STXBP4: variants seen among roughly 807,000 people sequenced by gnomAD.
The protein encoded by STXBP4 is syntaxin-binding protein 4.
In STXBP4, 55 loss-of-function variants were observed where a neutral mutation model predicts 76.1. The observed-to-expected ratio is 0.72, with a 90% confidence interval of 0.58 to 0.91. The LOEUF (loss-of-function observed/expected upper bound fraction) is 0.91. STXBP4 is among the 40% of genes least tolerant of loss of function. The probability of loss-of-function intolerance (pLI) is 0.00; values close to 1 mark genes in which losing one functional copy is unlikely to be tolerated. For missense variants in STXBP4, 618 were observed against 636.9 expected, an observed-to-expected ratio of 0.97 and a Z score of 0.32; for synonymous variants, 201 against 220.2, an observed-to-expected ratio of 0.91 and a Z score of 0.77.
At chr17:55,001,416 T>C (rs185882183) in intron 7 of STXBP4, among the ~76,000 whole-genome samples, 1 of 152,238 alleles carries the variant, frequency 6.6e-6, no homozygotes, top group Non-Finnish European at 1.5e-5. Flanking sequence ...AAGCGTTAAT[T>C]ATCTAAGCCA....
At chr17:55,179,490 G>A in the STXBP4 span, among the ~76,000 whole-genome samples, 1 of 152,078 alleles carries the variant, frequency 6.6e-6, no homozygotes, top group Non-Finnish European at 1.5e-5. Context: ...ACAAAAATGA[G>A]TTCAAATCTG....
chr17:54,992,733 CAG>C (rs1278874427), intron 4 of STXBP4, among the ~76,000 whole-genome samples: 2 of 110,176 alleles, frequency 1.8e-5, no homozygotes, highest in Non-Finnish European at 3.4e-5. Context: ...TTTTTTGAGA[CAG>C]AGTCTCACTC....
chr17:55,034,122 G>T, intron 9 of STXBP4, 46 bp from the exon 10 acceptor site: 1 of 1,404,840 alleles, frequency 7.1e-7, no homozygotes, highest in South Asian at 1.2e-5. Flanking sequence ...GTAAGATTTA[G>T]AAGGGGTTAA....
chr17:54,972,757 G>C (rs1260793958), intron 1 of STXBP4, among the ~76,000 whole-genome samples: 1 of 152,174 alleles, frequency 6.6e-6, no homozygotes, highest in African/African-American at 2.4e-5. Context: ...TCTCAGCAGA[G>C]ACCCTAGAAA....
chr17:55,137,051 C>T (rs1158913424), intron 16 of STXBP4, among the ~76,000 whole-genome samples: 1 of 152,056 alleles, frequency 6.6e-6, no homozygotes, highest in Non-Finnish European at 1.5e-5. Flanking sequence ...CTGTTATCAT[C>T]ACTACTATAT....
the STXBP4 span, among the ~76,000 whole-genome samples, chr17:55,185,286 T>C: frequency 1.7e-4 from 19 of 112,638 alleles, no homozygotes; most frequent in African/African-American, 6.6e-4. Flanking sequence ...CTTCTCCTTC[T>C]CCTTCTCCTT....
intron 9 of STXBP4, 116 bp downstream of exon 9, chr17:55,031,380 C>A: frequency 1.2e-6 from 1 of 843,776 alleles, no homozygotes; most frequent in South Asian, 1.7e-5. Context: ...AGTAAAACTA[C>A]ATCCATTTCA....
intron 8 of STXBP4, among the ~76,000 whole-genome samples, chr17:55,019,887 G>T (rs148670563): frequency 1.3e-4 from 19 of 151,994 alleles, no homozygotes; most frequent in African/African-American, 4.3e-4. Flanking sequence ...CTCAGCTGTC[G>T]CTCTGTCTTT....
Position 55,159,904 on chromosome 17 carries a change from A to G in STXBP4, c.1655A>G (p.Lys552Arg). Residue 552 changes from lysine to arginine, a missense_variant, in exon 18 of 18, where the codon AAA (lysine) becomes AGA (arginine). Lys to Arg is a conservative substitution (Grantham distance 26). Transcript: ENST00000376352. ...EDCSRELPNQKS is the reference protein window; with the variant it reads ...EDCSRELPNQRS ...TGCTCTAGAGAACTCCCCAACCAGA[A>G]AAGTTGATGGTTTTCCTTAGGAAGT... The G allele has an allele frequency of 6.2e-7, 1 of 1,608,618 alleles. No homozygotes were observed. The highest frequency in any genetic ancestry group is 8.5e-7 in the Non-Finnish European group (1 of 1,175,282).
chr17:55,014,428 C>A lies in STXBP4; in HGVS notation c.666+6831C>A, dbSNP rs117710666. Reference sequence around the variant, plus strand: ...AAAGCATGTGAAAAGAGTAAAATTCCCTAGTTACAACTTAGTGGCTGGGAG... The same window carrying A: ...AAAGCATGTGAAAAGAGTAAAATTCACTAGTTACAACTTAGTGGCTGGGAG... On this transcript the variant is annotated intron_variant, in intron 8 of 17. Transcript: ENST00000376352. 2.6e-3 allele frequency among the ~76,000 whole-genome samples: 391 copies of A among 152,216 alleles called. 9 individuals are homozygous for A. The highest frequency in any genetic ancestry group is 0.025 in the East Asian group (131 of 5,178).
rs1255364100 is a variant in STXBP4, at chr17:55,141,354, A to G, written c.1534A>G (p.Lys512Glu). 6.2e-7 allele frequency: 1 copy of G among 1,612,164 alleles called. No homozygotes were observed. The highest frequency in any genetic ancestry group is 1.1e-5 in the South Asian group (1 of 90,700). Reference protein sequence around the residue: ...WEEAYTADGIKYFINHVTQTT... With the variant: ...WEEAYTADGIEYFINHVTQTT... ...GGAAGCTTACACAGCAGATGGAATC[A>G]AGTACTTCATCAAGTAAGTACAAGC... is the stretch of plus-strand genomic sequence containing the variant. The change falls in exon 17 of 18, where the codon AAG becomes GAG. Residue 512 changes from lysine to glutamate, a missense_variant. Physicochemically the swap from Lys to Glu is moderately conservative, Grantham distance 56 (BLOSUM62 1). Coordinates refer to ENST00000376352, the MANE Select transcript of STXBP4 (RefSeq NM_178509.6).
intron 4 of STXBP4, among the ~76,000 whole-genome samples, chr17:54,998,466 C>T (rs1014367992): frequency 1.3e-5 from 2 of 152,186 alleles, no homozygotes; most frequent in African/African-American, 4.8e-5. Context: ...TCTAACATAT[C>T]TAACAACCAC....
intron 16 of STXBP4, among the ~76,000 whole-genome samples, chr17:55,118,118 G>A (rs982223273): frequency 7.2e-5 from 11 of 151,910 alleles, no homozygotes; most frequent in African/African-American, 2.2e-4. Context: ...AAACAGACAT[G>A]ATCCCTACCT....
At chr17:55,144,832 C>A (rs181544583) in intron 17 of STXBP4, among the ~76,000 whole-genome samples, 3 of 152,186 alleles carry the variant, frequency 2.0e-5, no homozygotes, top group Middle Eastern at 3.2e-3. Flanking sequence ...ACTGTCTACA[C>A]AAAATAGCTA....
chr17:55,098,269 T>C (rs2079519670), intron 16 of STXBP4, among the ~76,000 whole-genome samples: 1 of 152,182 alleles, frequency 6.6e-6, no homozygotes, highest in Admixed American at 6.5e-5. Context: ...GGCAGTAATT[T>C]TGGGTAGGAA....
chr17:55,044,019 T>A (rs893558809), intron 11 of STXBP4: 1 of 166,352 alleles, frequency 6.0e-6, no homozygotes, highest in Admixed American at 6.4e-5. Flanking sequence ...CAACTAATTT[T>A]TTTTTAAATT....
chr17:55,079,216 C>A lies in STXBP4; in HGVS notation c.1355+481C>A, dbSNP rs141573108. ...AGAAATATATTTGGAGAATATACCT[C>A]GATTGTCTCATTATTCATAATATGT... is the stretch of plus-strand genomic sequence containing the variant. On this transcript the variant is annotated intron_variant, in intron 15 of 17. Coordinates refer to ENST00000376352, the MANE Select transcript of STXBP4 (RefSeq NM_178509.6). Among the ~76,000 whole-genome samples, 7 of 152,154 alleles carry A rather than the reference C, an allele frequency of 4.6e-5. No homozygotes were observed. The East Asian group carries it at 1.4e-3, about 29-fold the overall frequency.
At chr17:55,024,243 C>T (rs1188766822) in intron 8 of STXBP4, among the ~76,000 whole-genome samples, 5 of 152,192 alleles carry the variant, frequency 3.3e-5, no homozygotes, top group Admixed American at 6.5e-5. Context: ...CTGCTCACAT[C>T]GTTTAACCTC....
At chr17:55,040,525 G>C (rs562992923) in intron 10 of STXBP4, among the ~76,000 whole-genome samples, 1 of 152,100 alleles carries the variant, frequency 6.6e-6, no homozygotes, top group Admixed American at 6.6e-5. Context: ...TGAGATTAGG[G>C]AATATGGCCA....
Sources: allele counts gnomAD v4.1 joint callset (sites outside exome capture counted in the v4.1 genomes callset), GRCh38; gene constraint gnomAD v4.1.1; transcripts MANE v1.5; gene names NCBI Gene and HGNC (gene_info 2026-07-23, HGNC 2026-07-21).